Variants in TAFA1 observed in about 807,000 individuals in gnomAD.
TAFA1 encodes chemokine-like protein TAFA-1.
In TAFA1, 4 loss-of-function variants were observed where a neutral mutation model predicts 18.5. The observed-to-expected ratio is 0.22, with a 90% confidence interval of 0.11 to 0.49. The LOEUF (loss-of-function observed/expected upper bound fraction) is 0.49. Ranked by LOEUF, TAFA1 falls within the 20% of genes least tolerant of loss-of-function variation. The pLI is 0.98. For missense variants in TAFA1, 147 were observed against 169.0 expected (o/e 0.87, Z 0.72); for synonymous variants, 56 against 55.2 (o/e 1.01, Z -0.06).
chr3:68,541,351 T>C (rs1438733278), intron 4 of TAFA1, among the ~76,000 whole-genome samples: 1 of 152,186 alleles, frequency 6.6e-6, no homozygotes, highest in Non-Finnish European at 1.5e-5. Flanking sequence ...ATAGGAACCA[T>C]CTATTCTGTG....
chr3:68,112,395 ATCATT>A lies in TAFA1; in HGVS notation c.118+105655_118+105659del, dbSNP rs546792512. Among the ~76,000 whole-genome samples, 166 of 152,340 alleles carry A rather than the reference ATCATT, an allele frequency of 1.1e-3. 1 individual carries two copies. The highest frequency in any genetic ancestry group is 3.9e-3 in the African/African-American group (164 of 41,570). On this transcript the variant is annotated intron_variant, in intron 2 of 4. Coordinates refer to ENST00000478136, the MANE Select transcript of TAFA1 (RefSeq NM_213609.4). ...CACATTAATGGAATAAAAGAAGAAA[ATCATT>A]TCAATTAATACAGAAAAAGTGTTTG... is the stretch of plus-strand genomic sequence containing the variant.
intron 2 of TAFA1, among the ~76,000 whole-genome samples, chr3:68,165,999 C>A (rs1271216750): frequency 6.6e-6 from 1 of 152,164 alleles, no homozygotes; most frequent in Non-Finnish European, 1.5e-5. Context: ...AAACTCCAGC[C>A]CAACCTTGAA....
chr3:68,376,218 A>G (rs756479296), intron 2 of TAFA1, among the ~76,000 whole-genome samples: 2 of 151,870 alleles, frequency 1.3e-5, no homozygotes, highest in Non-Finnish European at 2.9e-5. Flanking sequence ...TAATCTTGGA[A>G]TCGAGTTATT....
chr3:68,237,787 T>A (rs2066945982), intron 2 of TAFA1, among the ~76,000 whole-genome samples: 1 of 152,128 alleles, frequency 6.6e-6, no homozygotes, highest in African/African-American at 2.4e-5. Flanking sequence ...AATCACATAG[T>A]AATTGGGATA....
chr3:68,495,375 T>G (rs1359532114), intron 3 of TAFA1, among the ~76,000 whole-genome samples: 1 of 152,198 alleles, frequency 6.6e-6, no homozygotes, highest in Non-Finnish European at 1.5e-5. Flanking sequence ...GTTGGCAAAA[T>G]CATTTAAAAA....
intron 2 of TAFA1, among the ~76,000 whole-genome samples, chr3:68,094,890 C>T (rs968277597): frequency 6.6e-6 from 1 of 152,124 alleles, no homozygotes; most frequent in Non-Finnish European, 1.5e-5. Flanking sequence ...AAACTTGGTC[C>T]TCTATCATAA....
At chr3:68,310,563 A>G (rs1458228055) in intron 2 of TAFA1, among the ~76,000 whole-genome samples, 2 of 152,190 alleles carry the variant, frequency 1.3e-5, no homozygotes, top group Admixed American at 1.3e-4. Flanking sequence ...TATTCATTAC[A>G]ACTTTTCAAA....
At chr3:68,143,127 A>T (rs1164006460) in intron 2 of TAFA1, among the ~76,000 whole-genome samples, 1 of 152,132 alleles carries the variant, frequency 6.6e-6, no homozygotes, top group Non-Finnish European at 1.5e-5. Flanking sequence ...CCATCTTGCT[A>T]TTTTTACATA....
At chr3:68,340,412 CAT>C (rs1249268319) in intron 2 of TAFA1, among the ~76,000 whole-genome samples, 2 of 152,146 alleles carry the variant, frequency 1.3e-5, no homozygotes, top group East Asian at 3.8e-4. Context: ...GTCAATATGT[CAT>C]GTGAATGGAA....
intron 2 of TAFA1, among the ~76,000 whole-genome samples, chr3:68,156,307 G>A (rs760861436): frequency 7.2e-5 from 11 of 152,184 alleles, no homozygotes; most frequent in Non-Finnish European, 1.5e-4. Context: ...GAAATAAGAA[G>A]GAATGAGGAT....
At chr3:68,233,244 T>C (rs2066892561) in intron 2 of TAFA1, among the ~76,000 whole-genome samples, 1 of 152,212 alleles carries the variant, frequency 6.6e-6, no homozygotes, top group South Asian at 2.1e-4. Flanking sequence ...TTGTATATTT[T>C]GGATATTAGT....
At chr3:68,148,750 G>T (rs1303601793) in intron 2 of TAFA1, among the ~76,000 whole-genome samples, 1 of 152,172 alleles carries the variant, frequency 6.6e-6, no homozygotes, top group African/African-American at 2.4e-5. Context: ...CTTTGGGGAG[G>T]CAGAGCTAAG....
chr3:68,083,488 C>G (rs1321306720), intron 2 of TAFA1, among the ~76,000 whole-genome samples: 1 of 152,292 alleles, frequency 6.6e-6, no homozygotes, highest in South Asian at 2.1e-4. Flanking sequence ...CTTCCTTATT[C>G]CAAACTTGGT....
rs143883799 is a variant in TAFA1, at chr3:68,186,229, C to A, written c.118+179485C>A. 8.5e-5 allele frequency among the ~76,000 whole-genome samples: 13 copies of A among 152,172 alleles called. No individual in the cohort carries two copies. In the East Asian group the frequency reaches 2.5e-3, roughly 30 times the overall value. On this transcript the variant is annotated intron_variant, in intron 2 of 4. Transcript: ENST00000478136. Reference sequence around the variant, plus strand: ...CTCTTTGGGAATAATTGTTATTAATCATGAGGATTTTGAGTTTTGTTGCCA... The same window carrying A: ...CTCTTTGGGAATAATTGTTATTAATAATGAGGATTTTGAGTTTTGTTGCCA...
At chr3:68,150,042 T>C (rs1023357917) in intron 2 of TAFA1, among the ~76,000 whole-genome samples, 24 of 152,224 alleles carry the variant, frequency 1.6e-4, no homozygotes, top group Non-Finnish European at 3.2e-4. Flanking sequence ...AGGCAAATAC[T>C]GTAATCATCT....
At chr3:68,044,030 G>A (rs919748491) in intron 2 of TAFA1, among the ~76,000 whole-genome samples, 1 of 152,130 alleles carries the variant, frequency 6.6e-6, no homozygotes, top group Non-Finnish European at 1.5e-5. Context: ...GAAAATCACA[G>A]TCCTCAATTT....
intron 2 of TAFA1, among the ~76,000 whole-genome samples, chr3:68,278,155 T>G (rs1230873236): frequency 6.6e-6 from 1 of 152,138 alleles, no homozygotes; most frequent in African/African-American, 2.4e-5. Flanking sequence ...TTATTTACAG[T>G]CTCACCAACA....
chr3:68,111,065 A>C (rs1305393068), intron 2 of TAFA1, among the ~76,000 whole-genome samples: 1 of 152,250 alleles, frequency 6.6e-6, no homozygotes, highest in African/African-American at 2.4e-5. Context: ...ATAGCTGCCA[A>C]GCTGAAACAA....
chr3:68,472,037 A>T lies in TAFA1; in HGVS notation c.259+54617A>T, dbSNP rs1463514702. Among the ~76,000 whole-genome samples the T allele has an allele frequency of 1.3e-5, 2 of 152,158 alleles. 1 individual carries two copies. Among genetic ancestry groups the T allele is most frequent in the Admixed American group, 1.3e-4 (2 of 15,272 alleles). On this transcript the variant is annotated intron_variant, in intron 3 of 4. Transcript: ENST00000478136. Reference sequence around the variant, plus strand: ...GCTAAGACTTTAGGGGATTGTTGAGAAGCCATGATTGGTTTTGAAATGTGA... The same window carrying T: ...GCTAAGACTTTAGGGGATTGTTGAGTAGCCATGATTGGTTTTGAAATGTGA...
Sources: gnomAD v4.1 joint callset for allele counts (sites outside exome capture counted in the v4.1 genomes callset) on GRCh38, gnomAD v4.1.1 for gene constraint, MANE v1.5 for transcripts, NCBI Gene and HGNC (gene_info 2026-07-23, HGNC 2026-07-21) for gene names.